TRIOBP: variants seen among roughly 807,000 people sequenced by gnomAD.
TRIOBP encodes the protein TRIO and F-actin binding protein.
In TRIOBP, 169 loss-of-function variants were observed where a neutral mutation model predicts 238.8. The observed-to-expected ratio is 0.71, with a 90% confidence interval of 0.62 to 0.80. TRIOBP has a LOEUF of 0.80. Ranked by LOEUF, TRIOBP falls within the 30% of genes least tolerant of loss-of-function variation. The pLI, the probability that TRIOBP is intolerant of heterozygous loss-of-function variation, is 0.00. For missense variants in TRIOBP, 2,838 were observed against 3,122.6 expected (o/e 0.91, Z 2.17); for synonymous variants, 1,150 against 1,274.4 (o/e 0.90, Z 2.08).
At chr22:37,764,977 T>G (rs1345374969) in intron 17 of TRIOBP, among the ~76,000 whole-genome samples, 1 of 151,446 alleles carries the variant, frequency 6.6e-6, no homozygotes, top group Non-Finnish European at 1.5e-5. Flanking sequence ...CCCAGGGAGG[T>G]AAAGTTGCCA....
At chr22:37,704,292 A>G (rs1468461615) in intron 3 of TRIOBP, among the ~76,000 whole-genome samples, 2 of 152,158 alleles carry the variant, frequency 1.3e-5, no homozygotes, top group African/African-American at 4.8e-5. Flanking sequence ...CTGAGGTGGG[A>G]GAATCACCTG....
intron 9 of TRIOBP, among the ~76,000 whole-genome samples, chr22:37,736,847 G>A (rs1924697490): frequency 6.6e-6 from 1 of 151,944 alleles, no homozygotes; most frequent in African/African-American, 2.4e-5. Context: ...GGCTGGTCTT[G>A]GACTCCTGAC....
At chr22:37,743,251 G>GT (rs1925029481) in intron 11 of TRIOBP, among the ~76,000 whole-genome samples, 1 of 152,278 alleles carries the variant, frequency 6.6e-6, no homozygotes, top group East Asian at 1.9e-4. Context: ...GGCTGAAGCA[G>GT]TGAAATTAGC....
chr22:37,717,030 C>T (rs1345331229), intron 6 of TRIOBP, among the ~76,000 whole-genome samples: 3 of 152,164 alleles, frequency 2.0e-5, no homozygotes, highest in Non-Finnish European at 4.4e-5. Flanking sequence ...GGCAGACCCT[C>T]GCGATATTAC....
intron 5 of TRIOBP, 105 bp downstream of exon 5, chr22:37,713,516 G>A: frequency 7.1e-7 from 1 of 1,408,970 alleles, no homozygotes; most frequent in Middle Eastern, 2.0e-4. Flanking sequence ...TCACACCAGG[G>A]AATCCGACGA....
intron 21 of TRIOBP, among the ~76,000 whole-genome samples, chr22:37,770,271 A>G (rs1926701765): frequency 6.7e-6 from 1 of 150,230 alleles, no homozygotes; most frequent in Non-Finnish European, 1.5e-5. Flanking sequence ...CCCCGTCTCT[A>G]CTAAAAATAC....
chr22:37,771,809 C>T (rs1601672042), intron 22 of TRIOBP, 73 bp downstream of exon 22: 1 of 1,376,882 alleles, frequency 7.3e-7, no homozygotes, highest in Non-Finnish European at 1.0e-6. Flanking sequence ...TGAGCACCTG[C>T]TCTGTGCCAA....
At chr22:37,703,838 C>G (rs1922788593) in intron 3 of TRIOBP, among the ~76,000 whole-genome samples, 2 of 152,062 alleles carry the variant, frequency 1.3e-5, no homozygotes, top group Admixed American at 6.6e-5. Flanking sequence ...TAATAGCTCT[C>G]TTGTGCTCAC....
At chr22:37,765,908 A>G in intron 18 of TRIOBP, 91 bp downstream of exon 18, 3 of 1,462,972 alleles carry the variant, frequency 2.1e-6, no homozygotes, top group Non-Finnish European at 2.7e-6. Flanking sequence ...TTTATCAAAT[A>G]AGATGTAGGG....
intron 17 of TRIOBP, among the ~76,000 whole-genome samples, chr22:37,764,723 A>G (rs1017742515): frequency 6.6e-5 from 10 of 152,184 alleles, no homozygotes; most frequent in African/African-American, 2.4e-4. Flanking sequence ...TATTAGTCTG[A>G]GATACTTGCC....
rs1925845176 is a variant in TRIOBP at position 37,755,089 on chromosome 22, C to T, written c.5488-12C>T. On this transcript the variant is annotated splice_polypyrimidine_tract_variant and intron_variant, in intron 13 of 23. Coordinates refer to ENST00000644935, the MANE Select transcript of TRIOBP (RefSeq NM_001039141.3). ...GGGCCCACACGGACCATAGTGGGCC[C>T]TCTTGCTCCAGGCAGATGAGCTGGA... The T allele has an allele frequency of 1.2e-6, 2 of 1,612,418 alleles. No homozygotes were observed. Among genetic ancestry groups the T allele is most frequent in the Admixed American group, 1.7e-5 (1 of 59,698 alleles).
intron 6 of TRIOBP, among the ~76,000 whole-genome samples, chr22:37,716,300 T>TGG (rs1397171450): frequency 5.3e-5 from 8 of 151,456 alleles, no homozygotes; most frequent in African/African-American, 1.7e-4. Context: ...TTAGTAGACA[T>TGG]GGGGTTTCAC....
At chr22:37,751,618 T>G (rs1169781619) in intron 11 of TRIOBP, 154 bp from the exon 12 acceptor site, 1 of 766,370 alleles carries the variant, frequency 1.3e-6, no homozygotes, top group Non-Finnish European at 2.2e-6. Context: ...TGCTTGGACT[T>G]GGGGGTTACC....
intron 17 of TRIOBP, among the ~76,000 whole-genome samples, chr22:37,763,489 G>A (rs2145876228): frequency 6.6e-6 from 1 of 152,310 alleles, no homozygotes; most frequent in African/African-American, 2.4e-5. Context: ...AGGTGTGGCT[G>A]CTGGAGAGGC....
intron 6 of TRIOBP, among the ~76,000 whole-genome samples, chr22:37,717,196 A>G (rs529766003): frequency 1.3e-5 from 2 of 152,206 alleles, no homozygotes; most frequent in East Asian, 3.9e-4. Context: ...ACGCGTCCGC[A>G]GTTGTTCTTT....
chr22:37,711,618 A>AC (rs1923250959), intron 4 of TRIOBP, among the ~76,000 whole-genome samples: 3 of 149,718 alleles, frequency 2.0e-5, no homozygotes, highest in African/African-American at 5.0e-5. Flanking sequence ...ACAAAAAAAA[A>AC]CCCACAAAAA....
At chr22:37,756,054 C>T (rs1039847993) in intron 15 of TRIOBP, among the ~76,000 whole-genome samples, 1 of 152,206 alleles carries the variant, frequency 6.6e-6, no homozygotes, top group Non-Finnish European at 1.5e-5. Flanking sequence ...GCCACGGGCA[C>T]TGGGGCAGGA....
intron 11 of TRIOBP, chr22:37,751,132 C>G (rs942097744): frequency 6.9e-6 from 3 of 434,026 alleles, no homozygotes; most frequent in South Asian, 5.2e-5. Context: ...GCACAGGTCT[C>G]CATGGGACAT....
intron 3 of TRIOBP, among the ~76,000 whole-genome samples, chr22:37,709,950 T>C (rs993370286): frequency 5.9e-5 from 9 of 152,214 alleles, no homozygotes; most frequent in African/African-American, 2.2e-4. Context: ...CTCCCTTCTC[T>C]CAGCCAGCCT....
Sources: gnomAD v4.1 joint callset for allele counts (sites outside exome capture counted in the v4.1 genomes callset) on GRCh38, gnomAD v4.1.1 for gene constraint, MANE v1.5 for transcripts, NCBI Gene and HGNC (gene_info 2026-07-23, HGNC 2026-07-21) for gene names.